PTPRT: variants seen among roughly 807,000 people sequenced by gnomAD.
PTPRT encodes the protein protein tyrosine phosphatase receptor type T.
PTPRT carries 56 observed loss-of-function variants against 176.8 expected under a neutral mutation model. That is an observed-to-expected ratio of 0.32 (90% CI 0.26 to 0.40). The LOEUF is 0.40. Ranked by LOEUF, PTPRT falls within the 10% of genes least tolerant of loss-of-function variation. The pLI, the probability that PTPRT is intolerant of heterozygous loss-of-function variation, is 1.00. For synonymous variants in PTPRT, 783 were observed against 739.0 expected, an observed-to-expected ratio of 1.06 and a Z score of -0.96; for missense variants, 1,540 against 1,908.2, an observed-to-expected ratio of 0.81 and a Z score of 3.60.
At chr20:42,823,074 A>C (rs2077927067) in intron 2 of PTPRT, among the ~76,000 whole-genome samples, 1 of 152,246 alleles carries the variant, frequency 6.6e-6, no homozygotes, top group East Asian at 1.9e-4. Context: ...TCTACTATAA[A>C]GACACATGCA....
At chr20:42,229,450 C>G (rs2056088876) in intron 15 of PTPRT, among the ~76,000 whole-genome samples, 1 of 152,070 alleles carries the variant, frequency 6.6e-6, no homozygotes, top group Non-Finnish European at 1.5e-5. Flanking sequence ...ATTTTTTCTT[C>G]ATTTTTATTC....
chr20:43,012,834 A>G (rs1245253928), intron 1 of PTPRT, among the ~76,000 whole-genome samples: 6 of 152,074 alleles, frequency 3.9e-5, no homozygotes, highest in African/African-American at 1.4e-4. Context: ...ATGAAGGTGC[A>G]AAATATCTCT....
chr20:42,550,645 G>C (rs983752273), intron 7 of PTPRT, among the ~76,000 whole-genome samples: 6 of 152,066 alleles, frequency 3.9e-5, no homozygotes, highest in Non-Finnish European at 7.4e-5. Flanking sequence ...TCCTGGCACA[G>C]ACATTTATTG....
intron 12 of PTPRT, among the ~76,000 whole-genome samples, chr20:42,295,529 T>C (rs998088735): frequency 6.6e-6 from 1 of 152,188 alleles, no homozygotes; most frequent in East Asian, 1.9e-4. Flanking sequence ...AAGTTTAATA[T>C]GTTTAACTGT....
the PTPRT span, among the ~76,000 whole-genome samples, chr20:42,045,485 A>T: frequency 6.6e-6 from 1 of 151,152 alleles, no homozygotes; most frequent in Non-Finnish European, 1.5e-5. Flanking sequence ...CAATTGATCC[A>T]TACATTAAAA....
At chr20:42,764,892 T>C (rs576791875) in intron 5 of PTPRT, among the ~76,000 whole-genome samples, 3 of 151,936 alleles carry the variant, frequency 2.0e-5, no homozygotes, top group African/African-American at 7.2e-5. Context: ...TGCAGGCAGG[T>C]AGGTAGGAGG....
At chr20:42,090,494 C>T (rs1270879625) in intron 27 of PTPRT, among the ~76,000 whole-genome samples, 1 of 152,012 alleles carries the variant, frequency 6.6e-6, no homozygotes, top group Non-Finnish European at 1.5e-5. Context: ...CTCAGTGTGT[C>T]ACATAACCCT....
intron 1 of PTPRT, among the ~76,000 whole-genome samples, chr20:43,001,920 T>C (rs1191724285): frequency 1.3e-5 from 2 of 151,818 alleles, no homozygotes; most frequent in Admixed American, 6.6e-5. Context: ...AAATACTAGG[T>C]GGATGTTGTG....
chr20:42,818,552 A>G (rs6030492), intron 2 of PTPRT, among the ~76,000 whole-genome samples: 13,098 of 152,216 alleles, frequency 0.086, 638 homozygotes, highest in African/African-American at 0.13. Flanking sequence ...AGATGAATTG[A>G]CAGAAGTAGG....
chr20:42,038,160 T>C, the PTPRT span, among the ~76,000 whole-genome samples: 1 of 152,186 alleles, frequency 6.6e-6, no homozygotes, highest in Non-Finnish European at 1.5e-5. Flanking sequence ...TGCCAGGCAC[T>C]GTGACAGGTG....
intron 1 of PTPRT, among the ~76,000 whole-genome samples, chr20:43,091,097 G>A (rs1454712399): frequency 6.6e-6 from 1 of 152,112 alleles, no homozygotes; most frequent in African/African-American, 2.4e-5. Context: ...AGCCGATGTG[G>A]TGGCAGGCAC....
intron 2 of PTPRT, among the ~76,000 whole-genome samples, chr20:42,836,574 G>A (rs988918118): frequency 6.6e-6 from 1 of 152,128 alleles, no homozygotes; most frequent in Admixed American, 6.5e-5. Context: ...CTGGACGCAG[G>A]CCAACACCTG....
chr20:42,338,733 C>T (rs1480251782), intron 11 of PTPRT, among the ~76,000 whole-genome samples: 1 of 152,080 alleles, frequency 6.6e-6, no homozygotes, highest in Non-Finnish European at 1.5e-5. Context: ...TGCCTTTTAG[C>T]CACAAAGCAG....
chr20:42,984,215 CACAT>C (rs1383543078), intron 1 of PTPRT, among the ~76,000 whole-genome samples: 2 of 152,192 alleles, frequency 1.3e-5, no homozygotes, highest in African/African-American at 2.4e-5. Flanking sequence ...GGCTCACAGA[CACAT>C]ACATACATGC....
chr20:43,101,105 A>G (rs2012377285), intron 1 of PTPRT, among the ~76,000 whole-genome samples: 1 of 152,186 alleles, frequency 6.6e-6, no homozygotes, highest in Non-Finnish European at 1.5e-5. Flanking sequence ...ACATAAACAC[A>G]TGCTCATTAC....
intron 1 of PTPRT, among the ~76,000 whole-genome samples, chr20:42,915,836 C>A (rs564850639): frequency 6.6e-6 from 1 of 151,780 alleles, no homozygotes. Context: ...TGGGCTCAAG[C>A]GATCCTCCTG....
chr20:43,106,666 G>GAAAA (rs71193676), intron 1 of PTPRT, among the ~76,000 whole-genome samples: 9 of 86,998 alleles, frequency 1.0e-4, no homozygotes, highest in African/African-American at 1.9e-4. Flanking sequence ...CTCAAAAAAA[G>GAAAA]AAAAAAAAAA....
chr20:42,062,117 T>C, the PTPRT span, among the ~76,000 whole-genome samples: 1 of 152,104 alleles, frequency 6.6e-6, no homozygotes, highest in East Asian at 1.9e-4. Flanking sequence ...CCCAGGATTG[T>C]TCTTCCTGAG....
chr20:43,183,430 A>G (rs774558377), intron 1 of PTPRT, among the ~76,000 whole-genome samples: 6 of 152,222 alleles, frequency 3.9e-5, no homozygotes, highest in Non-Finnish European at 8.8e-5. Flanking sequence ...GCACTGAAGT[A>G]ACTTATCAAG....
Sources: gnomAD v4.1 joint callset for allele counts (sites outside exome capture counted in the v4.1 genomes callset) on GRCh38, gnomAD v4.1.1 for gene constraint, MANE v1.5 for transcripts, NCBI Gene and HGNC (gene_info 2026-07-23, HGNC 2026-07-21) for gene names.